Variants in GALNT10 observed in about 807,000 individuals in gnomAD.
GALNT10 encodes the protein GalNAc transferase 10.
A neutral mutation model predicts 75.0 loss-of-function variants in GALNT10; 41 were observed. The ratio of observed to expected loss-of-function variants is 0.55; its 90% CI spans 0.43 to 0.71. GALNT10 has a LOEUF of 0.71. GALNT10 is among the 30% of genes least tolerant of loss of function. The pLI, the probability that GALNT10 is intolerant of heterozygous loss-of-function variation, is 0.00. For synonymous variants in GALNT10, 302 were observed against 313.0 expected, an observed-to-expected ratio of 0.96 and a Z score of 0.37; for missense variants, 727 against 818.5, an observed-to-expected ratio of 0.89 and a Z score of 1.36.
chr5:154,271,897 T>TA lies in GALNT10; in HGVS notation c.160-22917dup, dbSNP rs1341219866. On this transcript the variant is annotated intron_variant, in intron 1 of 11. Transcript: ENST00000297107. ...GCTGCTGCTCTGCCTCCTTCCTGCA[T>TA]AATTTTTTAAAGCATGCAAAATGAA... Among the ~76,000 whole-genome samples, 18 of 152,226 alleles carry TA rather than the reference T, an allele frequency of 1.2e-4. 1 individual carries two copies. Among genetic ancestry groups the TA allele is most frequent in the Admixed American group, 1.0e-3 (16 of 15,290 alleles).
Position 154,416,046 on chromosome 5 carries a change from C to A in GALNT10, c.1653+114C>A. 1.1e-6 allele frequency: 1 copy of A among 946,196 alleles called. No homozygotes were observed. Among genetic ancestry groups the A allele is most frequent in the Non-Finnish European group, 1.6e-6 (1 of 632,074 alleles). The allele number at this position is 946,196 out of a possible 1,614,324, so 58.6% of individuals were successfully genotyped here. On this transcript the variant is annotated intron_variant, in intron 11 of 11. Transcript: ENST00000297107. This position sits in a 1 kb window ranked among gnomAD's most constrained non-coding sequence, Gnocchi z 4.5. ...TCCACTTATTCATTTGTGCCACAAA[C>A]CTACCATGCCGGATTTTGTAGTCAT...
chr5:154,320,872 T>A (rs1402476068), intron 3 of GALNT10, among the ~76,000 whole-genome samples: 1 of 152,168 alleles, frequency 6.6e-6, no homozygotes, highest in Non-Finnish European at 1.5e-5. Context: ...GGGAGTCCTG[T>A]TCACACAGCT....
chr5:154,355,466 G>A (rs796358205), intron 4 of GALNT10, among the ~76,000 whole-genome samples: 2 of 152,168 alleles, frequency 1.3e-5, no homozygotes, highest in African/African-American at 2.4e-5. Flanking sequence ...CTCCCATTCC[G>A]GGCCTGGCCC....
chr5:154,193,420 C>T (rs1245269225), intron 1 of GALNT10, among the ~76,000 whole-genome samples: 2 of 152,228 alleles, frequency 1.3e-5, no homozygotes, highest in East Asian at 3.8e-4. Flanking sequence ...AAGAGGCTGA[C>T]TTCTCAGAGT....
intron 1 of GALNT10, among the ~76,000 whole-genome samples, chr5:154,279,785 A>G (rs1003972491): frequency 1.3e-4 from 19 of 151,668 alleles, no homozygotes; most frequent in African/African-American, 4.4e-4. Flanking sequence ...ATGGGGTCTC[A>G]CTGTGTTGCC....
intron 3 of GALNT10, among the ~76,000 whole-genome samples, chr5:154,299,117 A>G (rs1288491732): frequency 6.6e-6 from 1 of 152,224 alleles, no homozygotes; most frequent in African/African-American, 2.4e-5. Context: ...TGCTTACTGT[A>G]TGCCAGGCAT....
chr5:154,284,589 C>T (rs1267599367), intron 1 of GALNT10, among the ~76,000 whole-genome samples: 1 of 152,186 alleles, frequency 6.6e-6, no homozygotes, highest in Non-Finnish European at 1.5e-5. Context: ...TGCTCCTGCC[C>T]AGCCCGTCAA....
chr5:154,394,248 G>A (rs1292282159), intron 7 of GALNT10, among the ~76,000 whole-genome samples: 1 of 151,774 alleles, frequency 6.6e-6, no homozygotes, highest in Admixed American at 6.6e-5. Flanking sequence ...GAGGAGACTG[G>A]GGTTCGCTTT....
chr5:154,241,817 A>T (rs571759882), intron 1 of GALNT10, among the ~76,000 whole-genome samples: 61 of 152,342 alleles, frequency 4.0e-4, no homozygotes, highest in African/African-American at 1.4e-3. Flanking sequence ...TTCAACACAT[A>T]TTGGCTTGTT....
chr5:154,323,403 T>C (rs1754705580), intron 3 of GALNT10, among the ~76,000 whole-genome samples: 1 of 152,026 alleles, frequency 6.6e-6, no homozygotes, highest in South Asian at 2.1e-4. Flanking sequence ...TCATTTTAGC[T>C]TGAGGGTCAC....
At chr5:154,282,673 C>T (rs1023910688) in intron 1 of GALNT10, among the ~76,000 whole-genome samples, 18 of 152,244 alleles carry the variant, frequency 1.2e-4, no homozygotes, top group African/African-American at 4.1e-4. Context: ...AGCTTTGTAG[C>T]CCATTAAGTT....
At chr5:154,386,845 TTGTA>T (rs1755816068) in intron 7 of GALNT10, 1 of 282,738 alleles carries the variant, frequency 3.5e-6, no homozygotes. Flanking sequence ...AGTTTTCCCT[TTGTA>T]CCTGTTGCTC....
chr5:154,345,804 T>C (rs891291021), intron 4 of GALNT10, among the ~76,000 whole-genome samples: 1 of 33,126 alleles, frequency 3.0e-5, no homozygotes, highest in African/African-American at 6.2e-5. Flanking sequence ...CCCGGCGAAT[T>C]TTTTTTTTTT....
At chr5:154,260,816 C>T (rs1220723145) in intron 1 of GALNT10, among the ~76,000 whole-genome samples, 1 of 152,166 alleles carries the variant, frequency 6.6e-6, no homozygotes, top group African/African-American at 2.4e-5. Flanking sequence ...TGAGTCAATG[C>T]AGCCTCATGG....
At chr5:154,261,658 A>G (rs1002601344) in intron 1 of GALNT10, among the ~76,000 whole-genome samples, 2 of 152,154 alleles carry the variant, frequency 1.3e-5, no homozygotes, top group Admixed American at 1.3e-4. Flanking sequence ...CCTTCTGTGA[A>G]TGACACCTGA....
chr5:154,258,656 A>G (rs753902318), intron 1 of GALNT10, among the ~76,000 whole-genome samples: 12 of 152,174 alleles, frequency 7.9e-5, no homozygotes, highest in Non-Finnish European at 1.8e-4. Context: ...CTAGTGCAGA[A>G]TGATCAGCCT....
chr5:154,347,369 A>AT (rs879271893), intron 4 of GALNT10: 7,767 of 289,312 alleles, frequency 0.027, no homozygotes, highest in South Asian at 0.048. Flanking sequence ...ACTTATAAGG[A>AT]TTTTTTTTTT....
chr5:154,312,052 A>T (rs1050531972), intron 3 of GALNT10, among the ~76,000 whole-genome samples: 22 of 151,662 alleles, frequency 1.5e-4, no homozygotes, highest in African/African-American at 5.1e-4. Flanking sequence ...GCAGAAGGTA[A>T]TATGTTCTTG....
intron 1 of GALNT10, among the ~76,000 whole-genome samples, chr5:154,283,932 GCA>G (rs1389377365): frequency 3.3e-5 from 5 of 152,202 alleles, no homozygotes; most frequent in African/African-American, 1.2e-4. Flanking sequence ...GCTGCTTGGA[GCA>G]CAGTGTTGAG....
Sources: gnomAD v4.1 joint callset for allele counts (sites outside exome capture counted in the v4.1 genomes callset) on GRCh38, gnomAD v4.1.1 for gene constraint, Gnocchi (gnomAD v3.1) non-coding constraint, MANE v1.5 for transcripts, NCBI Gene and HGNC (gene_info 2026-07-23, HGNC 2026-07-21) for gene names.